Variants in ZP2 observed in about 807,000 individuals in gnomAD.
The protein encoded by ZP2 is zona pellucida sperm-binding protein 2.
ZP2 carries 51 observed loss-of-function variants against 84.0 expected under a neutral mutation model. That is an observed-to-expected ratio of 0.61 (90% CI 0.49 to 0.77). The LOEUF is 0.77. ZP2 is among the 30% of genes least tolerant of loss of function. The pLI, the probability that ZP2 is intolerant of heterozygous loss-of-function variation, is 0.00. For synonymous variants in ZP2, 375 were observed against 330.9 expected (o/e 1.13, Z -1.45); for missense variants, 909 against 911.9 (o/e 1.00, Z 0.04).
In ZP2 at chr16:21,205,450, T is replaced by C. The variant is rs911487531; in HGVS notation, c.663A>G (p.Pro221=). ...IDNHRMTFHV[P]FNATGVTHYV... The stretch of plus-strand genomic sequence containing the variant: ...AGTGAGTCACTCCAGTGGCATTGAA[T>C]GGCACATGGAAGGTCATCCTGTGGT... The change falls in exon 7 of 19, where the codon CCA becomes CCG. Residue 221 remains proline, a synonymous_variant. Coordinates refer to ENST00000574091, the MANE Select transcript of ZP2 (RefSeq NM_001376232.1). 3.7e-6 allele frequency: 6 copies of C among 1,614,042 alleles called. No homozygotes were observed. The highest frequency in any genetic ancestry group is 1.3e-5 in the African/African-American group (1 of 74,944).
chr16:21,210,094 A>C lies in ZP2; in HGVS notation c.235+15T>G. 6.2e-7 allele frequency: 1 copy of C among 1,611,750 alleles called. No homozygotes were observed. The highest frequency in any genetic ancestry group is 8.5e-7 in the Non-Finnish European group (1 of 1,177,928). ...TGCTAATCAGGACTATGAGGAGATA[A>C]CACACGTTACCTACCCACCACAGAT... On this transcript the variant is annotated intron_variant, in intron 3 of 18. Transcript: ENST00000574091.
rs1269219235 is a variant in ZP2 at position 21,198,796 on chromosome 16, T to C, written c.1994A>G (p.Asp665Gly). The C allele has an allele frequency of 2.5e-6, 4 of 1,613,966 alleles. No homozygotes were observed. In the Admixed American group the frequency reaches 5.0e-5, roughly 20 times the overall value. ...SLPGPILLLS[D>G]DSSFRGVGSS... ...GTCCATACCTCTGAATGAGGAGTCA[T>C]CTGACAACAGGAGAATGGGTCCTGG... The change falls in exon 17 of 19, where the codon GAT becomes GGT. Residue 665 changes from aspartate to glycine, a missense_variant. By Grantham distance (94) the Asp-to-Gly change is moderately conservative. Transcript: ENST00000574091.
chr16:21,204,007 C>G (rs376486996), intron 9 of ZP2, 23 bp downstream of exon 9: 3 of 1,609,246 alleles, frequency 1.9e-6, no homozygotes, highest in Non-Finnish European at 2.5e-6. Context: ...CGGTGGAGTT[C>G]AGTGGTTGAC....
chr16:21,210,043 A>G lies in ZP2; in HGVS notation c.235+66T>C, dbSNP rs1270541097. The G allele has an allele frequency of 2.1e-6, 3 of 1,430,948 alleles. No individual in the cohort carries two copies. In the East Asian group the frequency reaches 6.8e-5, roughly 33 times the overall value. 88.6% of individuals were successfully genotyped at this position (1,430,948 alleles called of 1,614,324 possible). On this transcript the variant is annotated intron_variant, in intron 3 of 18. Coordinates refer to ENST00000574091, the MANE Select transcript of ZP2 (RefSeq NM_001376232.1). ...AGTTTGGGTACTCTGCTCCCCAAAC[A>G]GGATTGACCTAAGCCAAAGGCTGTC...
chr16:21,211,087 G>A (rs2093272847), intron 2 of ZP2, among the ~76,000 whole-genome samples: 1 of 152,130 alleles, frequency 6.6e-6, no homozygotes, highest in Non-Finnish European at 1.5e-5. Flanking sequence ...AAAGCTTGAG[G>A]CAGTGAGGGA....
In ZP2 at chr16:21,209,585, AG is replaced by A. The variant is rs766417477; in HGVS notation, c.330+45del. 1.1e-5 allele frequency: 17 copies of A among 1,551,896 alleles called. No individual in the cohort carries two copies. The African/African-American group carries it at 2.3e-4, about 21-fold the overall frequency. On this transcript the variant is annotated intron_variant, in intron 4 of 18. Transcript: ENST00000574091. Reference sequence around the variant, plus strand: ...GCCAAGTTTACTGCCAGTAACTCTTAGGTTACTACGTACTTCCCCAAGAACT... The same window carrying A: ...GCCAAGTTTACTGCCAGTAACTCTTAGTTACTACGTACTTCCCCAAGAACT...
chr16:21,204,340 A>G lies in ZP2; in HGVS notation c.758T>C (p.Val253Ala), dbSNP rs757738799. ...ACAAATAGCTTGTGAAGAGAAGATC[A>G]CCTTCTGTCCAGGAGATATAAATGT... is the stretch of plus-strand genomic sequence containing the variant. ...KLTFISPGQKVIFSSQAICAP... is the reference protein window; with the variant it reads ...KLTFISPGQKAIFSSQAICAP... The change falls in exon 8 of 19, where the codon GTG becomes GCG. Residue 253 changes from valine to alanine, a missense_variant. Coordinates refer to ENST00000574091, the MANE Select transcript of ZP2 (RefSeq NM_001376232.1). The G allele has an allele frequency of 3.7e-6, 6 of 1,614,146 alleles. No individual in the cohort carries two copies. The highest frequency in any genetic ancestry group is 1.1e-5 in the South Asian group (1 of 91,080).
Position 21,198,847 on chromosome 16 carries a change from T to A in ZP2, c.1943A>T (p.Glu648Val). The change falls in exon 17 of 19, where the codon GAA becomes GTA. Residue 648 changes from glutamate (E) to valine (V), a missense_variant. Glu to Val is a moderately radical substitution (Grantham distance 121). Coordinates refer to ENST00000574091, the MANE Select transcript of ZP2 (RefSeq NM_001376232.1). ...SRHRRATGAT[E>V]AEKMTVSLPG... ...GAGGCTGACTGTCATTTTCTCTGCT[T>A]CAGTGGCCCCTGTGGCTGGAGACAG... 6.2e-7 allele frequency: 1 copy of A among 1,614,000 alleles called. No individual in the cohort carries two copies. Among genetic ancestry groups the A allele is most frequent in the Non-Finnish European group, 8.5e-7 (1 of 1,179,956 alleles).
chr16:21,205,924 T>A, intron 5 of ZP2, 149 bp from the exon 6 acceptor site: 2 of 730,896 alleles, frequency 2.7e-6, no homozygotes, highest in Non-Finnish European at 2.4e-6. Flanking sequence ...TGCCCTTAGA[T>A]GTCATTATAC....
chr16:21,208,310 G>A (rs2093259584), intron 4 of ZP2, among the ~76,000 whole-genome samples: 1 of 152,206 alleles, frequency 6.6e-6, no homozygotes, highest in South Asian at 2.1e-4. Flanking sequence ...CTAATGTTGA[G>A]AAGGTCTGTT....
At chr16:21,213,465 C>A (rs551840056), upstream of ZP2, among the ~76,000 whole-genome samples, 6 of 152,338 alleles carry the variant, frequency 3.9e-5, no homozygotes, top group Non-Finnish European at 5.9e-5. Context: ...TGGAGATTAA[C>A]TGTTTCCCTG....
At chr16:21,201,293 C>A in intron 14 of ZP2, 76 bp downstream of exon 14, 3 of 1,345,760 alleles carry the variant, frequency 2.2e-6, no homozygotes, top group South Asian at 1.7e-5. Flanking sequence ...GCTCTAAAGC[C>A]CAAGAGGGTT....
Position 21,207,046 on chromosome 16 carries a change from T to C in ZP2, c.331-56A>G, listed in dbSNP as rs2093253280. ...TAAGTACTGTACCCCCATGGGATTC[T>C]AGAATACCATCTGACCCATCTGAGT... On this transcript the variant is annotated intron_variant, in intron 4 of 18. Transcript: ENST00000574091. 2.5e-6 allele frequency: 4 copies of C among 1,601,862 alleles called. No individual in the cohort carries two copies. The South Asian group carries it at 4.4e-5, about 18-fold the overall frequency.
rs1021603338 is a variant in ZP2, at chr16:21,201,758, T to C, written c.1452A>G (p.Pro484=). 9.9e-6 allele frequency: 16 copies of C among 1,613,986 alleles called. No homozygotes were observed. Among genetic ancestry groups the C allele is most frequent in the Middle Eastern group, 1.6e-4 (1 of 6,084 alleles). ...ATGGACCCAACTTCACTGAGGCCACTGGAGGAGTAAGGCTTTCAACGTTGA... is the reference window on the plus strand; with the variant it reads ...ATGGACCCAACTTCACTGAGGCCACCGGAGGAGTAAGGCTTTCAACGTTGA... The part of the protein sequence containing the change: ...LNINVESLTP[P]VASVKLGPFT... Residue 484 remains proline (P), a synonymous_variant, in exon 13 of 19, where the codon CCA becomes CCG. Coordinates refer to ENST00000574091, the MANE Select transcript of ZP2 (RefSeq NM_001376232.1).
At chr16:21,208,530 C>A (rs973682700) in intron 4 of ZP2, among the ~76,000 whole-genome samples, 2 of 152,178 alleles carry the variant, frequency 1.3e-5, no homozygotes, top group African/African-American at 4.8e-5. Context: ...CCAGAACTCA[C>A]CCCAGGCCTA....
At position 21,210,173 on chromosome 16, in the gene ZP2, T is replaced by G. The variant is rs1344208074; in HGVS notation, c.171A>C (p.Glu57Asp). The G allele has an allele frequency of 2.4e-5, 39 of 1,614,096 alleles. No homozygotes were observed. Among genetic ancestry groups the G allele is most frequent in the Non-Finnish European group, 3.2e-5 (38 of 1,179,992 alleles). Residue 57 changes from glutamate to aspartate, a missense_variant, in exon 3 of 19, where the codon GAA becomes GAC. Coordinates refer to ENST00000574091, the MANE Select transcript of ZP2 (RefSeq NM_001376232.1). Reference protein sequence around the residue: ...PAFPGTVTCDEREITVEFPSS... With the variant: ...PAFPGTVTCDDREITVEFPSS... ...TTGGGAACTCCACTGTTATTTCCCT[T>G]TCATCGCAAGTGACAGTGCCTAAGG... is the stretch of plus-strand genomic sequence containing the variant.
At chr16:21,199,972 G>A (rs2152854628) in intron 14 of ZP2, 94 bp from the exon 15 acceptor site, 1 of 1,499,430 alleles carries the variant, frequency 6.7e-7, no homozygotes, top group East Asian at 2.3e-5. Flanking sequence ...AATATCTTCA[G>A]AACTATTGCC....
chr16:21,199,925 A>T, intron 14 of ZP2, 47 bp from the exon 15 acceptor site: 1 of 1,606,844 alleles, frequency 6.2e-7, no homozygotes, highest in Non-Finnish European at 8.5e-7. Context: ...TGCATCTTGG[A>T]GTCAAATTCA....
upstream of ZP2, chr16:21,214,227 C>G (rs1370689129): frequency 1.0e-6 from 1 of 985,076 alleles, no homozygotes; most frequent in African/African-American, 1.7e-5. Context: ...TTTGTCTCAC[C>G]TAACCCAGAC....
Sources: allele counts gnomAD v4.1 joint callset (sites outside exome capture counted in the v4.1 genomes callset), GRCh38; gene constraint gnomAD v4.1.1; transcripts MANE v1.5; gene names NCBI Gene and HGNC (gene_info 2026-07-23, HGNC 2026-07-21).